CCDC126: variants seen among roughly 807,000 people sequenced by gnomAD.
The protein encoded by CCDC126 is coiled-coil domain containing 126.
Under a neutral mutation model 11.7 loss-of-function variants are expected in CCDC126, and 5 were observed. The observed-to-expected ratio is 0.43, with a 90% confidence interval of 0.22 to 0.90. CCDC126 has a LOEUF of 0.90. Ranked by LOEUF, CCDC126 falls within the 40% of genes least tolerant of loss-of-function variation. The probability of loss-of-function intolerance (pLI) is 0.27; values close to 1 mark genes in which losing one functional copy is unlikely to be tolerated. For synonymous variants in CCDC126, 60 were observed against 61.9 expected (o/e 0.97, Z 0.14); for missense variants, 150 against 163.1 (o/e 0.92, Z 0.44).
At chr7:23,597,945 C>G (rs1782457592) in intron 1 of CCDC126, 22 bp from the exon 2 acceptor site, 1 of 152,236 alleles carries the variant, frequency 6.6e-6, no homozygotes, top group Non-Finnish European at 1.5e-5. Context: ...ACCGCACTCA[C>G]TTCTTTTTCT....
intron 3 of CCDC126, among the ~76,000 whole-genome samples, chr7:23,636,697 C>G (rs1345244263): frequency 6.7e-6 from 1 of 149,706 alleles, no homozygotes; most frequent in Non-Finnish European, 1.5e-5. Flanking sequence ...AGGAGCCCCT[C>G]CGCCTGGCAG....
intron 3 of CCDC126, among the ~76,000 whole-genome samples, chr7:23,613,456 C>A (rs937608669): frequency 6.6e-6 from 1 of 152,298 alleles, no homozygotes; most frequent in Admixed American, 6.5e-5. Context: ...TCTTTCATCT[C>A]ATTTTTTTGG....
In CCDC126 at chr7:23,611,366, G is replaced by A. The variant is rs1782707700; in HGVS notation, c.51G>A (p.Leu17=). Residue 17 remains leucine (L), a synonymous_variant, in exon 3 of 4, where the codon CTG becomes CTA. Coordinates refer to ENST00000307471, the MANE Select transcript of CCDC126 (RefSeq NM_138771.4). ...RKNMSQKLSL[L]LLVFGLIWGL... ...ATATGTCCCAGAAATTGAGTTTACT[G>A]TTGCTTGTATTTGGACTCATTTGGG... 1 of 1,613,326 alleles carries A rather than the reference G, an allele frequency of 6.2e-7. No homozygotes were observed. The highest frequency in any genetic ancestry group is 8.5e-7 in the Non-Finnish European group (1 of 1,179,732).
At chr7:23,600,342 T>A (rs2128013341) in intron 2 of CCDC126, among the ~76,000 whole-genome samples, 1 of 151,224 alleles carries the variant, frequency 6.6e-6, no homozygotes, top group South Asian at 2.1e-4. Context: ...TCTTAGACCT[T>A]ATTATGGAGC....
At chr7:23,606,917 G>A (rs1245727139) in intron 2 of CCDC126, among the ~76,000 whole-genome samples, 1 of 151,576 alleles carries the variant, frequency 6.6e-6, no homozygotes, top group Non-Finnish European at 1.5e-5. Context: ...GCAACGTAAT[G>A]AGACCCCTCT....
chr7:23,625,807 C>T (rs1449707675), intron 3 of CCDC126, among the ~76,000 whole-genome samples: 1 of 151,764 alleles, frequency 6.6e-6, no homozygotes, highest in Non-Finnish European at 1.5e-5. Context: ...AGGCGCCCGC[C>T]ACCACGCCCA....
intron 3 of CCDC126, among the ~76,000 whole-genome samples, chr7:23,624,953 C>T (rs1168393735): frequency 5.3e-5 from 8 of 152,116 alleles, no homozygotes; most frequent in African/African-American, 1.9e-4. Flanking sequence ...GGTGATCCCC[C>T]CACCTTAGCC....
chr7:23,613,547 C>T (rs1177853482), intron 3 of CCDC126, among the ~76,000 whole-genome samples: 1 of 152,184 alleles, frequency 6.6e-6, no homozygotes, highest in African/African-American at 2.4e-5. Flanking sequence ...GTTAACTTCT[C>T]ATTAAGCAAG....
At chr7:23,619,702 G>A (rs1782857293) in intron 3 of CCDC126, 1 of 161,348 alleles carries the variant, frequency 6.2e-6, no homozygotes. Context: ...ATTTACATTA[G>A]GTATATCTCC....
Position 23,643,337 on chromosome 7 carries a change from TAAAG to T in CCDC126, c.*224_*227del, listed in dbSNP as rs1457703369. The T allele has an allele frequency of 5.2e-6, 2 of 386,218 alleles. No individual in the cohort carries two copies. The highest frequency in any genetic ancestry group is 3.8e-5 in the East Asian group (1 of 26,058). The allele number at this position is 386,218 out of a possible 1,614,324, so 23.9% of individuals were successfully genotyped here. On this transcript the variant is annotated 3_prime_UTR_variant, in exon 4 of 4. Coordinates refer to ENST00000307471, the MANE Select transcript of CCDC126 (RefSeq NM_138771.4). The stretch of plus-strand genomic sequence containing the variant: ...TCTGTTCAATGCTGTACTATGTCCT[TAAAG>T]AGAATTTGGTAATTTGGTTGATGTG...
At chr7:23,630,391 C>G (rs865870603) in intron 3 of CCDC126, among the ~76,000 whole-genome samples, 1 of 152,074 alleles carries the variant, frequency 6.6e-6, no homozygotes, top group East Asian at 1.9e-4. Context: ...TCCAGCTACT[C>G]AGGAGGCTGA....
intron 3 of CCDC126, among the ~76,000 whole-genome samples, chr7:23,630,744 AAAAG>A (rs1783095696): frequency 1.3e-5 from 2 of 150,568 alleles, no homozygotes; most frequent in Non-Finnish European, 3.0e-5. Flanking sequence ...AAAAAAAAAA[AAAAG>A]TCCATAGAAT....
chr7:23,617,155 C>G (rs1782806832), intron 3 of CCDC126, among the ~76,000 whole-genome samples: 2 of 151,642 alleles, frequency 1.3e-5, no homozygotes. Flanking sequence ...CGAGACCAGC[C>G]TGGCCGACAT....
intron 2 of CCDC126, among the ~76,000 whole-genome samples, chr7:23,609,107 T>C (rs1782664976): frequency 6.6e-6 from 1 of 152,130 alleles, no homozygotes; most frequent in South Asian, 2.1e-4. Flanking sequence ...TTGACAATAA[T>C]GGTATTACCT....
chr7:23,631,325 C>A (rs898396664), intron 3 of CCDC126, among the ~76,000 whole-genome samples: 6 of 152,060 alleles, frequency 3.9e-5, no homozygotes, highest in African/African-American at 9.7e-5. Flanking sequence ...TCAGGGCAGA[C>A]CCTGCAGATA....
chr7:23,600,506 G>A (rs970158021), intron 2 of CCDC126, among the ~76,000 whole-genome samples: 4 of 150,406 alleles, frequency 2.7e-5, no homozygotes, highest in Admixed American at 6.7e-5. Flanking sequence ...GGTCGTTTTT[G>A]GAGAGAACTA....
At chr7:23,615,313 C>T (rs931745259) in intron 3 of CCDC126, among the ~76,000 whole-genome samples, 5 of 152,224 alleles carry the variant, frequency 3.3e-5, no homozygotes, top group African/African-American at 1.2e-4. Context: ...CCTAACCTCT[C>T]TTAGCCTTCA....
At chr7:23,619,389 C>CA (rs1584203257) in intron 3 of CCDC126, 1 of 402,398 alleles carries the variant, frequency 2.5e-6, no homozygotes, top group Non-Finnish European at 4.9e-6. Context: ...TGCTTAAACT[C>CA]AGAGATCAGA....
intron 3 of CCDC126, among the ~76,000 whole-genome samples, chr7:23,613,360 T>C (rs1008080904): frequency 6.6e-6 from 1 of 152,168 alleles, no homozygotes; most frequent in Non-Finnish European, 1.5e-5. Context: ...CAAAGTGTGT[T>C]ATGATTCCTG....
Sources: gnomAD v4.1 joint callset for allele counts (sites outside exome capture counted in the v4.1 genomes callset) on GRCh38, gnomAD v4.1.1 for gene constraint, MANE v1.5 for transcripts, NCBI Gene and HGNC (gene_info 2026-07-23, HGNC 2026-07-21) for gene names.